CHRNA7: variants seen among roughly 807,000 people sequenced by gnomAD.
CHRNA7 encodes cholinergic receptor nicotinic alpha 7 subunit, also known as neuronal acetylcholine receptor subunit alpha-7.
CHRNA7 carries 17 observed loss-of-function variants against 48.0 expected under a neutral mutation model. That is an observed-to-expected ratio of 0.35 (90% confidence interval 0.24 to 0.53). CHRNA7 has a LOEUF of 0.53. Ranked by LOEUF, CHRNA7 falls within the 20% of genes least tolerant of loss-of-function variation. The pLI is 0.92. For missense variants in CHRNA7, 155 were observed against 577.7 expected (o/e 0.27, Z 7.50); for synonymous variants, 75 against 242.3 (o/e 0.31, Z 6.41).
At chr15:32,070,169 G>A (rs886243978) in intron 2 of CHRNA7, among the ~76,000 whole-genome samples, 2 of 152,084 alleles carry the variant, frequency 1.3e-5, no homozygotes, top group Non-Finnish European at 2.9e-5. Flanking sequence ...AAACCATTCC[G>A]ACAATATAAA....
chr15:32,127,332 A>G (rs746810097), intron 4 of CHRNA7, among the ~76,000 whole-genome samples: 2 of 152,202 alleles, frequency 1.3e-5, no homozygotes, highest in Non-Finnish European at 2.9e-5. Flanking sequence ...TATAAATTAC[A>G]TAAGCACGCA....
At chr15:32,031,254 C>G (rs1009277463) in intron 2 of CHRNA7, among the ~76,000 whole-genome samples, 11 of 152,162 alleles carry the variant, frequency 7.2e-5, no homozygotes, top group Admixed American at 7.2e-4. Flanking sequence ...CCTGGTAAAG[C>G]TTATTCCATC....
intron 4 of CHRNA7, among the ~76,000 whole-genome samples, chr15:32,136,078 A>G (rs922860480): frequency 6.6e-6 from 1 of 152,224 alleles, no homozygotes; most frequent in African/African-American, 2.4e-5. Flanking sequence ...TTAAAAAACT[A>G]CCAGAAGACG....
At chr15:32,137,013 C>T (rs1277164978) in intron 4 of CHRNA7, among the ~76,000 whole-genome samples, 28 of 106,810 alleles carry the variant, frequency 2.6e-4, no homozygotes, top group Admixed American at 1.4e-3. Flanking sequence ...GCCTGGGCGA[C>T]AGAGCGAGAC....
chr15:32,107,649 C>T (rs1044655174), intron 3 of CHRNA7, among the ~76,000 whole-genome samples: 4 of 152,112 alleles, frequency 2.6e-5, no homozygotes, highest in Admixed American at 1.3e-4. Flanking sequence ...AAGGACGCAG[C>T]GGACAGGGCG....
intron 2 of CHRNA7, among the ~76,000 whole-genome samples, chr15:32,050,607 C>T (rs1007629722): frequency 5.3e-5 from 8 of 152,134 alleles, no homozygotes; most frequent in South Asian, 2.1e-4. Flanking sequence ...TCCTGTAGCT[C>T]GGAGTAGTTT....
At chr15:32,038,489 C>T (rs1408841108) in intron 2 of CHRNA7, among the ~76,000 whole-genome samples, 1 of 152,028 alleles carries the variant, frequency 6.6e-6, no homozygotes, top group African/African-American at 2.4e-5. Flanking sequence ...TCTCACTTGA[C>T]CATGGTGTAT....
chr15:32,103,665 C>G (rs1197361348), intron 3 of CHRNA7, among the ~76,000 whole-genome samples: 2 of 152,134 alleles, frequency 1.3e-5, no homozygotes, highest in Admixed American at 6.5e-5. Flanking sequence ...AGGCCTTCTT[C>G]CCATGGACAG....
At chr15:32,091,384 G>T (rs2050379324) in intron 2 of CHRNA7, among the ~76,000 whole-genome samples, 1 of 151,944 alleles carries the variant, frequency 6.6e-6, no homozygotes, top group Non-Finnish European at 1.5e-5. Flanking sequence ...TTGCTAATTT[G>T]TTTGTTCTCA....
chr15:32,043,376 T>C (rs1380190566), intron 2 of CHRNA7, among the ~76,000 whole-genome samples: 8 of 152,182 alleles, frequency 5.3e-5, no homozygotes, highest in Admixed American at 5.2e-4. Flanking sequence ...CTATTTGGTT[T>C]TAAATCTATC....
intron 3 of CHRNA7, chr15:32,111,178 G>A (rs1283060852): frequency 6.6e-6 from 1 of 152,328 alleles, no homozygotes; most frequent in African/African-American, 2.4e-5. Context: ...GTGAGCTTGT[G>A]TGAGTGCTTC....
At chr15:32,055,371 T>C (rs1245112522) in intron 2 of CHRNA7, among the ~76,000 whole-genome samples, 1 of 152,208 alleles carries the variant, frequency 6.6e-6, no homozygotes, top group East Asian at 1.9e-4. Context: ...TTATTAAAAA[T>C]AGAAATTTAT....
At chr15:32,134,858 G>T (rs2051222021) in intron 4 of CHRNA7, among the ~76,000 whole-genome samples, 1 of 152,244 alleles carries the variant, frequency 6.6e-6, no homozygotes, top group Non-Finnish European at 1.5e-5. Flanking sequence ...GGCATAGAAT[G>T]TCAGATGAGA....
chr15:32,145,029 T>C (rs753968337), intron 4 of CHRNA7, among the ~76,000 whole-genome samples: 6 of 152,218 alleles, frequency 3.9e-5, no homozygotes, highest in Non-Finnish European at 5.9e-5. Flanking sequence ...GTTTTTCTGC[T>C]CTTCTCCTCA....
At chr15:32,044,072 T>C (rs1237883747) in intron 2 of CHRNA7, among the ~76,000 whole-genome samples, 1 of 152,210 alleles carries the variant, frequency 6.6e-6, no homozygotes, top group African/African-American at 2.4e-5. Flanking sequence ...TCTGTTCTTG[T>C]TTTCTTTGGT....
chr15:32,137,629 G>A (rs1365816294), intron 4 of CHRNA7, among the ~76,000 whole-genome samples: 1 of 152,114 alleles, frequency 6.6e-6, no homozygotes, highest in African/African-American at 2.4e-5. Context: ...CCAATATATA[G>A]ATATAGATAC....
intron 4 of CHRNA7, among the ~76,000 whole-genome samples, chr15:32,148,826 T>G (rs1044945200): frequency 1.3e-5 from 2 of 152,232 alleles, no homozygotes; most frequent in South Asian, 4.1e-4. Flanking sequence ...TCGTTCTGGC[T>G]TATCTCCAAG....
chr15:32,105,042 A>G (rs886415027), intron 3 of CHRNA7, among the ~76,000 whole-genome samples: 2 of 152,360 alleles, frequency 1.3e-5, no homozygotes, highest in Non-Finnish European at 2.9e-5. Context: ...TACTTCCAGT[A>G]TGGAATTCAG....
chr15:32,142,631 C>T (rs1223983576), intron 4 of CHRNA7, among the ~76,000 whole-genome samples: 3 of 152,114 alleles, frequency 2.0e-5, no homozygotes, highest in African/African-American at 7.2e-5. Context: ...TCAACTTCTT[C>T]CTAGTTTAGT....
Sources: allele counts gnomAD v4.1 joint callset (sites outside exome capture counted in the v4.1 genomes callset), GRCh38; gene constraint gnomAD v4.1.1; transcripts MANE v1.5; gene names NCBI Gene and HGNC (gene_info 2026-07-23, HGNC 2026-07-21).